The following KCNQ5 variants were observed in gnomAD, a reference collection of about 807,000 sequenced individuals.
KCNQ5 encodes potassium voltage-gated channel subfamily Q member 5, also known as potassium voltage-gated channel subfamily KQT member 5.
Under a neutral mutation model 98.2 loss-of-function variants are expected in KCNQ5, and 30 were observed. That is an observed-to-expected ratio of 0.31 (90% CI 0.23 to 0.41). The LOEUF (loss-of-function observed/expected upper bound fraction) is 0.41. Ranked by LOEUF, KCNQ5 falls within the 10% of genes least tolerant of loss-of-function variation. KCNQ5 has a pLI of 1.00. For synonymous variants in KCNQ5, 458 were observed against 449.4 expected (o/e 1.02, Z -0.24); for missense variants, 835 against 1,182.5 (o/e 0.71, Z 4.31).
chr6:72,735,365 T>C (rs1770773772), intron 1 of KCNQ5, among the ~76,000 whole-genome samples: 1 of 152,178 alleles, frequency 6.6e-6, no homozygotes, highest in Non-Finnish European at 1.5e-5. Context: ...AAGACATTAT[T>C]TGCATTTTAG....
At chr6:73,016,211 T>G (rs1175389292) in intron 2 of KCNQ5, among the ~76,000 whole-genome samples, 1 of 152,044 alleles carries the variant, frequency 6.6e-6, no homozygotes, top group Non-Finnish European at 1.5e-5. Context: ...GGCAGAGACT[T>G]GAATGGAATG....
intron 1 of KCNQ5, among the ~76,000 whole-genome samples, chr6:72,679,733 A>T (rs981902867): frequency 4.6e-5 from 7 of 152,048 alleles, no homozygotes; most frequent in Non-Finnish European, 7.4e-5. Flanking sequence ...TAATAATAAA[A>T]TAAAAATAAT....
At chr6:73,055,964 TG>T in intron 3 of KCNQ5, 1 of 408,534 alleles carries the variant, frequency 2.4e-6, no homozygotes, top group Non-Finnish European at 4.7e-6. Context: ...CAGCTGCAGA[TG>T]GGGACCGGTG....
chr6:72,847,223 T>C (rs900760073), intron 1 of KCNQ5, among the ~76,000 whole-genome samples: 2 of 152,196 alleles, frequency 1.3e-5, no homozygotes, highest in African/African-American at 4.8e-5. Context: ...TGGAGTGTAA[T>C]GGCACGGTTT....
At chr6:72,704,853 T>C (rs1393241749) in intron 1 of KCNQ5, among the ~76,000 whole-genome samples, 1 of 152,200 alleles carries the variant, frequency 6.6e-6, no homozygotes, top group Non-Finnish European at 1.5e-5. Flanking sequence ...TTGCATTAAA[T>C]GTATAAGTTG....
At chr6:72,746,133 G>A (rs1163325675) in intron 1 of KCNQ5, among the ~76,000 whole-genome samples, 1 of 139,152 alleles carries the variant, frequency 7.2e-6, no homozygotes, top group Non-Finnish European at 1.5e-5. Context: ...CCAGAGTTTA[G>A]GACTTCAACA....
chr6:72,675,527 G>T (rs565010147), intron 1 of KCNQ5, among the ~76,000 whole-genome samples: 7 of 152,274 alleles, frequency 4.6e-5, no homozygotes, highest in African/African-American at 1.7e-4. Flanking sequence ...CCCCTACTTT[G>T]TCTTGCAGTC....
At chr6:72,916,186 A>G (rs1182225787) in intron 1 of KCNQ5, among the ~76,000 whole-genome samples, 1 of 152,164 alleles carries the variant, frequency 6.6e-6, no homozygotes, top group Admixed American at 6.5e-5. Context: ...CTATGGTAGC[A>G]ATTTCTCATT....
At chr6:73,079,047 A>G (rs939801030) in intron 5 of KCNQ5, among the ~76,000 whole-genome samples, 1 of 152,202 alleles carries the variant, frequency 6.6e-6, no homozygotes, top group Non-Finnish European at 1.5e-5. Context: ...CACGCCTGTA[A>G]TCCAAGCACT....
intron 1 of KCNQ5, among the ~76,000 whole-genome samples, chr6:72,893,566 A>G (rs1779138709): frequency 6.6e-6 from 1 of 152,164 alleles, no homozygotes; most frequent in Non-Finnish European, 1.5e-5. Context: ...TAAACTAAAT[A>G]TTGTACTGTT....
intron 1 of KCNQ5, among the ~76,000 whole-genome samples, chr6:72,724,203 G>A (rs1280666270): frequency 6.6e-6 from 1 of 152,086 alleles, no homozygotes; most frequent in Non-Finnish European, 1.5e-5. Context: ...ATACAAAAAT[G>A]CTAGGAAAAC....
chr6:72,652,240 CAAAAA>C (rs66526018), intron 1 of KCNQ5, among the ~76,000 whole-genome samples: 1 of 105,302 alleles, frequency 9.5e-6, no homozygotes, highest in African/African-American at 3.7e-5. Flanking sequence ...GAGGCAGAAG[CAAAAA>C]AAAAAAAAAA....
At chr6:73,038,109 TTTAAG>T (rs1461145987) in intron 2 of KCNQ5, among the ~76,000 whole-genome samples, 1 of 152,100 alleles carries the variant, frequency 6.6e-6, no homozygotes, top group Non-Finnish European at 1.5e-5. Context: ...TAAGTGGATA[TTTAAG>T]TTATTTTTAT....
At chr6:73,096,527 G>C (rs552976141) in intron 5 of KCNQ5, among the ~76,000 whole-genome samples, 1 of 152,264 alleles carries the variant, frequency 6.6e-6, no homozygotes, top group South Asian at 2.1e-4. Flanking sequence ...GGAGCAGTCT[G>C]ATCATAGGAG....
chr6:72,766,805 T>A (rs1772597299), intron 1 of KCNQ5, among the ~76,000 whole-genome samples: 1 of 151,882 alleles, frequency 6.6e-6, no homozygotes, highest in African/African-American at 2.4e-5. Flanking sequence ...CATGTTAAGT[T>A]AGAGATGCCT....
intron 1 of KCNQ5, among the ~76,000 whole-genome samples, chr6:72,961,978 A>C (rs1281479343): frequency 6.6e-6 from 1 of 151,700 alleles, no homozygotes; most frequent in African/African-American, 2.4e-5. Context: ...GGAGTTTGAG[A>C]TCAGCCTGGG....
chr6:73,070,297 T>G (rs896040978), intron 3 of KCNQ5, among the ~76,000 whole-genome samples: 1 of 152,122 alleles, frequency 6.6e-6, no homozygotes, highest in Non-Finnish European at 1.5e-5. Flanking sequence ...AATAAGTATA[T>G]GCAAACATTT....
At chr6:72,647,531 T>C (rs1009592684) in intron 1 of KCNQ5, among the ~76,000 whole-genome samples, 1 of 151,754 alleles carries the variant, frequency 6.6e-6, no homozygotes, top group African/African-American at 2.4e-5. Flanking sequence ...AGACAGAGAC[T>C]GAGAGACTGA....
At chr6:72,964,660 A>G (rs932124637) in intron 1 of KCNQ5, among the ~76,000 whole-genome samples, 6 of 152,224 alleles carry the variant, frequency 3.9e-5, no homozygotes, top group African/African-American at 1.4e-4. Flanking sequence ...TTTGAAATTT[A>G]TATGTAATTT....
Sources: allele counts gnomAD v4.1 joint callset (sites outside exome capture counted in the v4.1 genomes callset), GRCh38; gene constraint gnomAD v4.1.1; transcripts MANE v1.5; gene names NCBI Gene and HGNC (gene_info 2026-07-23, HGNC 2026-07-21).